Variants in TSPEAR observed in about 807,000 individuals in gnomAD.
The protein encoded by TSPEAR is thrombospondin type laminin G domain and EAR repeats, also known as thrombospondin-type laminin G domain and EAR repeat-containing protein.
A neutral mutation model predicts 71.6 loss-of-function variants in TSPEAR; 69 were observed. The ratio of observed to expected loss-of-function variants is 0.96; its 90% CI spans 0.79 to 1.18. The LOEUF (loss-of-function observed/expected upper bound fraction) is 1.18, where lower values mean the gene tolerates loss of function less well. TSPEAR is among the 50% of genes most tolerant of loss of function. The pLI, the probability that TSPEAR is intolerant of heterozygous loss-of-function variation, is 0.00. For synonymous variants in TSPEAR, 402 were observed against 387.2 expected, an observed-to-expected ratio of 1.04 and a Z score of -0.45; for missense variants, 971 against 894.9, an observed-to-expected ratio of 1.09 and a Z score of -1.09.
At chr21:44,678,909 T>C (rs1406977802) in intron 1 of TSPEAR, among the ~76,000 whole-genome samples, 1 of 152,250 alleles carries the variant, frequency 6.6e-6, no homozygotes, top group African/African-American at 2.4e-5. Context: ...TAATCTGCCA[T>C]ATGGACTTCT....
chr21:44,591,768 A>G (rs1569206107), intron 1 of TSPEAR: 1 of 1,599,188 alleles, frequency 6.3e-7, no homozygotes, highest in East Asian at 2.3e-5. Flanking sequence ...AGGTGGGCAC[A>G]CAGCACACAG....
At chr21:44,592,947 C>T (rs1343720781) in intron 1 of TSPEAR, among the ~76,000 whole-genome samples, 2 of 152,156 alleles carry the variant, frequency 1.3e-5, no homozygotes, top group African/African-American at 4.8e-5. Context: ...GCCCATGAGC[C>T]TTCATTGACC....
At chr21:44,657,191 A>G (rs1325291715) in intron 1 of TSPEAR, among the ~76,000 whole-genome samples, 1 of 152,130 alleles carries the variant, frequency 6.6e-6, no homozygotes, top group Admixed American at 6.5e-5. Context: ...TCAGCCCTGT[A>G]TGGAATTATT....
At chr21:44,601,864 C>T (rs1980955699) in intron 1 of TSPEAR, 7 of 1,263,228 alleles carry the variant, frequency 5.5e-6, no homozygotes, top group Non-Finnish European at 7.6e-6. Flanking sequence ...AGCTGGCCAT[C>T]CAGTGTGCGC....
chr21:44,538,224 G>C (rs2053125365), intron 2 of TSPEAR, among the ~76,000 whole-genome samples: 1 of 152,184 alleles, frequency 6.6e-6, no homozygotes, highest in African/African-American at 2.4e-5. Flanking sequence ...CACCCACCCA[G>C]GGTGGCGGAG....
intron 2 of TSPEAR, among the ~76,000 whole-genome samples, chr21:44,557,526 G>A (rs2053552168): frequency 1.3e-5 from 2 of 152,192 alleles, no homozygotes; most frequent in African/African-American, 4.8e-5. Flanking sequence ...AAGGAGAGAG[G>A]GGGAGGAGCT....
chr21:44,580,382 G>A lies in TSPEAR; in HGVS notation c.83-12377C>T, dbSNP rs1425742916. On this transcript the variant is annotated intron_variant, in intron 1 of 11. Coordinates refer to ENST00000323084, the MANE Select transcript of TSPEAR (RefSeq NM_144991.3). The stretch of plus-strand genomic sequence containing the variant: ...GCAGCACGAGGGCGTGCAGGAGCTG[G>A]TGCAGCCTGATTGGCAGGGGCTGGG... 2.5e-6 allele frequency: 4 copies of A among 1,613,314 alleles called. No individual in the cohort carries two copies. The African/African-American group carries it at 4.0e-5, about 16-fold the overall frequency.
chr21:44,697,506 A>G (rs1201566108), intron 1 of TSPEAR: 1 of 1,612,368 alleles, frequency 6.2e-7, no homozygotes, highest in Non-Finnish European at 8.5e-7. Flanking sequence ...CCCTGCCAGC[A>G]GGCCTGCTGC....
At chr21:44,532,875 A>T (rs762687482) in intron 3 of TSPEAR, among the ~76,000 whole-genome samples, 2 of 152,206 alleles carry the variant, frequency 1.3e-5, no homozygotes, top group Non-Finnish European at 2.9e-5. Flanking sequence ...TCTTGTACTC[A>T]TTTGGAGTTT....
chr21:44,612,790 C>G lies in TSPEAR; in HGVS notation c.83-44785G>C. 1 of 1,613,584 alleles carries G rather than the reference C, an allele frequency of 6.2e-7. No individual in the cohort carries two copies. The highest frequency in any genetic ancestry group is 1.1e-5 in the South Asian group (1 of 91,052). On this transcript the variant is annotated intron_variant, in intron 1 of 11. Transcript: ENST00000323084. This position sits in a 1 kb window ranked among gnomAD's most constrained non-coding sequence, Gnocchi z 4.1. ...GTGTGCCTGTCCCCTCCTGTTGTGT[C>G]CCTGCCTCCTCCTGCCAGCCCAGCT...
At chr21:44,625,875 T>C (rs1327403528) in intron 1 of TSPEAR, among the ~76,000 whole-genome samples, 1 of 152,178 alleles carries the variant, frequency 6.6e-6, no homozygotes, top group Non-Finnish European at 1.5e-5. Context: ...TGGAGGACTC[T>C]CTCCCTGGGA....
At chr21:44,625,945 C>G (rs1410623675) in intron 1 of TSPEAR, among the ~76,000 whole-genome samples, 1 of 152,204 alleles carries the variant, frequency 6.6e-6, no homozygotes, top group Non-Finnish European at 1.5e-5. Flanking sequence ...CTTCTTACAA[C>G]CTGGGCAGCA....
rs201612439 is a variant in TSPEAR at position 44,647,122 on chromosome 21, C to T, written c.82+64311G>A. ...TTCACGCTGCCAGCAGCCTAGCTGC[C>T]AGCCAGCTTGCTGCACCACCTCCTG... is the stretch of plus-strand genomic sequence containing the variant. On this transcript the variant is annotated intron_variant, in intron 1 of 11. Coordinates refer to ENST00000323084, the MANE Select transcript of TSPEAR (RefSeq NM_144991.3). The T allele has an allele frequency of 1.2e-5, 19 of 1,614,130 alleles. No homozygotes were observed. In the African/African-American group the frequency reaches 2.5e-4, roughly 22 times the overall value.
At chr21:44,528,016 C>T (rs2145975261) in intron 6 of TSPEAR, among the ~76,000 whole-genome samples, 1 of 152,228 alleles carries the variant, frequency 6.6e-6, no homozygotes, top group Admixed American at 6.5e-5. Flanking sequence ...AGGGTGTGGG[C>T]AGAGGCGGCA....
chr21:44,702,724 G>A (rs1987717766), intron 1 of TSPEAR: 5 of 1,460,366 alleles, frequency 3.4e-6, no homozygotes, highest in African/African-American at 1.4e-5. Context: ...AGCCTCCTGC[G>A]TGTCCCTCCT....
intron 1 of TSPEAR, among the ~76,000 whole-genome samples, chr21:44,613,619 G>C (rs587600385): frequency 6.6e-6 from 1 of 152,050 alleles, no homozygotes; most frequent in African/African-American, 2.4e-5. Context: ...GCAGCAATGC[G>C]AGGGGAGAGG....
chr21:44,597,400 G>A (rs1980431173), intron 1 of TSPEAR, among the ~76,000 whole-genome samples: 1 of 148,836 alleles, frequency 6.7e-6, no homozygotes, highest in Non-Finnish European at 1.5e-5. Flanking sequence ...TTACTTTCAA[G>A]CTTTCTGTGC....
At chr21:44,504,184 G>T in intron 11 of TSPEAR, among the ~76,000 whole-genome samples, 1 of 136,856 alleles carries the variant, frequency 7.3e-6, no homozygotes, top group African/African-American at 2.8e-5. Context: ...CGGCCTTGGT[G>T]AGCCCACAGT....
intron 2 of TSPEAR, chr21:44,540,286 G>T: frequency 7.1e-7 from 1 of 1,413,758 alleles, no homozygotes; most frequent in Non-Finnish European, 9.6e-7. Context: ...TTCTGGCCTT[G>T]TTGTTCCAGG....
Sources: allele counts gnomAD v4.1 joint callset (sites outside exome capture counted in the v4.1 genomes callset), GRCh38; gene constraint gnomAD v4.1.1; non-coding constraint Gnocchi (gnomAD v3.1); transcripts MANE v1.5; gene names NCBI Gene and HGNC (gene_info 2026-07-23, HGNC 2026-07-21).